The following ASIC2 variants were observed in gnomAD, a reference collection of about 807,000 sequenced individuals.
ASIC2 encodes acid-sensing ion channel 2.
ASIC2 carries 25 observed loss-of-function variants against 57.3 expected under a neutral mutation model. That is an observed-to-expected ratio of 0.44 (90% confidence interval 0.32 to 0.61). The LOEUF (loss-of-function observed/expected upper bound fraction) is 0.61. ASIC2 is among the 20% of genes least tolerant of loss of function. The probability of loss-of-function intolerance (pLI) is 0.06; values close to 1 mark genes in which losing one functional copy is unlikely to be tolerated. For synonymous variants in ASIC2, 319 were observed against 307.5 expected, an observed-to-expected ratio of 1.04 and a Z score of -0.39; for missense variants, 641 against 738.1, an observed-to-expected ratio of 0.87 and a Z score of 1.52.
intron 1 of ASIC2, chr17:34,005,354 T>C (rs540791164): frequency 2.6e-5 from 4 of 152,330 alleles, no homozygotes; most frequent in African/African-American, 9.6e-5. Flanking sequence ...TTCTATTATC[T>C]TCAAACTTTT....
chr17:33,923,944 GCCCC>G (rs1473669174), intron 1 of ASIC2, among the ~76,000 whole-genome samples: 2 of 152,278 alleles, frequency 1.3e-5, no homozygotes, highest in East Asian at 3.9e-4. Context: ...AGGGAAGAGA[GCCCC>G]GGACTCACAG....
intron 1 of ASIC2, among the ~76,000 whole-genome samples, chr17:33,454,765 G>A (rs1912390553): frequency 6.6e-6 from 1 of 152,150 alleles, no homozygotes; most frequent in Non-Finnish European, 1.5e-5. Context: ...TTTGGTGTCT[G>A]GTGAGGGATC....
chr17:33,059,931 T>C (rs1382120511), intron 3 of ASIC2, among the ~76,000 whole-genome samples: 18 of 152,258 alleles, frequency 1.2e-4, no homozygotes, highest in Admixed American at 1.2e-3. Flanking sequence ...CATTTTTTCA[T>C]GTGTCTGTTG....
chr17:33,714,985 TTTATTATTA>T (rs71364615), intron 1 of ASIC2, among the ~76,000 whole-genome samples: 62 of 142,200 alleles, frequency 4.4e-4, no homozygotes, highest in African/African-American at 6.1e-4. Context: ...GCCAGGCTAA[TTTATTATTA>T]TTATTATTAT....
rs532003279 is a variant in ASIC2 at position 33,112,522 on chromosome 17, T to A, written c.709-455A>T. On this transcript the variant is annotated intron_variant, in intron 1 of 9. Coordinates refer to ENST00000225823, the MANE Select transcript of ASIC2 (RefSeq NM_183377.2). ...ACTCAGCTTGTCCAGAGGGAACTGA[T>A]CTTCCTTAGCTTCCCCACCCCATTG... Among the ~76,000 whole-genome samples the A allele has an allele frequency of 4.6e-5, 7 of 152,242 alleles. No homozygotes were observed. The South Asian group carries it at 1.4e-3, about 32-fold the overall frequency.
intron 1 of ASIC2, among the ~76,000 whole-genome samples, chr17:33,709,192 T>C (rs993318785): frequency 6.6e-6 from 1 of 152,194 alleles, no homozygotes; most frequent in Non-Finnish European, 1.5e-5. Flanking sequence ...CAACTGCCTG[T>C]TTCCCTCATT....
chr17:33,057,603 G>A (rs372308709), intron 3 of ASIC2, among the ~76,000 whole-genome samples: 67 of 152,340 alleles, frequency 4.4e-4, no homozygotes, highest in East Asian at 4.0e-3. Context: ...CTGGGCAGAG[G>A]AACTGCCCTT....
chr17:33,101,651 T>C (rs1411575089), intron 2 of ASIC2, among the ~76,000 whole-genome samples: 2 of 152,190 alleles, frequency 1.3e-5, no homozygotes, highest in African/African-American at 4.8e-5. Flanking sequence ...TCACAGAAGA[T>C]GAGGATGTAG....
At chr17:33,488,269 C>T (rs1359365186) in intron 1 of ASIC2, among the ~76,000 whole-genome samples, 1 of 152,188 alleles carries the variant, frequency 6.6e-6, no homozygotes, top group African/African-American at 2.4e-5. Context: ...CTATTCCAGA[C>T]AGACTGCTCT....
chr17:33,881,527 C>T (rs1267374825), intron 1 of ASIC2, among the ~76,000 whole-genome samples: 2 of 152,122 alleles, frequency 1.3e-5, no homozygotes, highest in Admixed American at 1.3e-4. Context: ...TCAAAGAGAA[C>T]AAAATAACTA....
intron 3 of ASIC2, among the ~76,000 whole-genome samples, chr17:33,042,911 G>C (rs7342972): frequency 5.3e-5 from 8 of 151,896 alleles, no homozygotes; most frequent in African/African-American, 1.5e-4. Flanking sequence ...CAACCTTGCC[G>C]ATTAAACATT....
rs570576591 is a variant in ASIC2, at chr17:34,152,150, C to T, written c.555+3828G>A. Among the ~76,000 whole-genome samples the T allele has an allele frequency of 2.6e-5, 4 of 152,254 alleles. No individual in the cohort carries two copies. The East Asian group carries it at 7.7e-4, about 29-fold the overall frequency. ...TATAATGTTAGGTGATGTCAGTTAACAAGATCTACACAATGCCTCTAACAA... is the reference window on the plus strand; with the variant it reads ...TATAATGTTAGGTGATGTCAGTTAATAAGATCTACACAATGCCTCTAACAA... On this transcript the variant is annotated intron_variant, in intron 1 of 9. Transcript: ENST00000359872.
chr17:33,014,970 C>T (rs2091798266), intron 9 of ASIC2, among the ~76,000 whole-genome samples: 1 of 152,232 alleles, frequency 6.6e-6, no homozygotes, highest in Non-Finnish European at 1.5e-5. Flanking sequence ...CCCAGGCACA[C>T]AGCCAGGAAG....
intron 1 of ASIC2, chr17:34,071,986 A>G (rs17837023): frequency 0.69 from 104,378 of 152,304 alleles, 36,909 homozygotes; most frequent in Non-Finnish European, 0.79. Flanking sequence ...AGGTGGCGAG[A>G]AACAGCACAG....
At chr17:33,756,097 G>T (rs568297326) in intron 1 of ASIC2, among the ~76,000 whole-genome samples, 2 of 152,244 alleles carry the variant, frequency 1.3e-5, no homozygotes, top group Non-Finnish European at 2.9e-5. Flanking sequence ...CTATCAGCAT[G>T]ATCTGAACAG....
chr17:33,172,858 T>C (rs1159084504), intron 1 of ASIC2, among the ~76,000 whole-genome samples: 1 of 152,208 alleles, frequency 6.6e-6, no homozygotes, highest in Non-Finnish European at 1.5e-5. Context: ...GCCTTCCAGC[T>C]GTCACTTCAC....
chr17:33,441,602 ACCT>A (rs1423362445), intron 1 of ASIC2, among the ~76,000 whole-genome samples: 3 of 152,082 alleles, frequency 2.0e-5, no homozygotes, highest in Non-Finnish European at 4.4e-5. Flanking sequence ...GGTCATTCTC[ACCT>A]CCTTCCTTCT....
chr17:33,536,358 T>C (rs564961588), intron 1 of ASIC2, among the ~76,000 whole-genome samples: 1 of 152,350 alleles, frequency 6.6e-6, no homozygotes, highest in African/African-American at 2.4e-5. Context: ...TCAAGCCAAC[T>C]TGTGAGAGCC....
intron 1 of ASIC2, among the ~76,000 whole-genome samples, chr17:33,536,001 A>G (rs868111945): frequency 2.0e-5 from 3 of 152,202 alleles, no homozygotes; most frequent in Middle Eastern, 3.2e-3. Context: ...TCCGAGGTGC[A>G]TTCTCTTCAC....
Sources: allele counts gnomAD v4.1 joint callset (sites outside exome capture counted in the v4.1 genomes callset), GRCh38; gene constraint gnomAD v4.1.1; transcripts MANE v1.5; gene names NCBI Gene and HGNC (gene_info 2026-07-23, HGNC 2026-07-21).